TRIM62: variants seen among roughly 807,000 people sequenced by gnomAD.
TRIM62 encodes the protein tripartite motif containing 62, also known as E3 ubiquitin-protein ligase TRIM62.
TRIM62 carries 39 observed loss-of-function variants against 44.2 expected under a neutral mutation model. That is an observed-to-expected ratio of 0.88 (90% confidence interval 0.68 to 1.15). TRIM62 has a LOEUF of 1.15. TRIM62 is among the 50% of genes most tolerant of loss of function. TRIM62 has a pLI of 0.00. For synonymous variants in TRIM62, 278 were observed against 292.3 expected (o/e 0.95, Z 0.50); for missense variants, 544 against 665.5 (o/e 0.82, Z 2.01).
chr1:33,159,989 G>C lies in TRIM62; in HGVS notation c.505-45C>G. The C allele has an allele frequency of 1.3e-6, 2 of 1,582,398 alleles. No individual in the cohort carries two copies. The highest frequency in any genetic ancestry group is 1.7e-6 in the Non-Finnish European group (2 of 1,166,214). ...GGGGTTATGGCTGGGGGAGCAGATG[G>C]GGTGATCTCTGGGTGAGAGGAGGAA... On this transcript the variant is annotated intron_variant, in intron 2 of 4. Transcript: ENST00000291416. The surrounding 1 kb of genome is among the most constrained non-coding windows in gnomAD (Gnocchi z 4.2).
chr1:33,168,078 G>A (rs1645344093), intron 1 of TRIM62, among the ~76,000 whole-genome samples: 1 of 152,132 alleles, frequency 6.6e-6, no homozygotes, highest in African/African-American at 2.4e-5. Context: ...TGAGATGGAG[G>A]GGACTTTAGG....
chr1:33,165,432 T>C lies in TRIM62; in HGVS notation c.504+39A>G, dbSNP rs745513560. 1.3e-6 allele frequency: 2 copies of C among 1,498,202 alleles called. No homozygotes were observed. The highest frequency in any genetic ancestry group is 2.4e-5 in the South Asian group (2 of 81,984). The allele number at this position is 1,498,202 out of a possible 1,614,324, so 92.8% of individuals were successfully genotyped here. A position where few individuals can be genotyped will look rare whatever the true frequency, so the allele number is the denominator to read the frequency against. ...CCCGCCCCTCGAAGCCCTGCCCTCA[T>C]CTCTGCCGGCCCCACCTCCGCGCCC... On this transcript the variant is annotated intron_variant, in intron 2 of 4. Transcript: ENST00000291416. The surrounding 1 kb of genome is among the most constrained non-coding windows in gnomAD (Gnocchi z 4.0).
At chr1:33,175,934 T>A (rs536523880) in intron 1 of TRIM62, among the ~76,000 whole-genome samples, 103 of 152,200 alleles carry the variant, frequency 6.8e-4, no homozygotes, top group African/African-American at 2.5e-3. Flanking sequence ...CATCTTGGGG[T>A]CCCCAATGTT....
rs899211795 is a variant in TRIM62 at position 33,146,939 on chromosome 1, A to G, written c.*238T>C. 7.2e-6 allele frequency: 4 copies of G among 557,740 alleles called. No individual in the cohort carries two copies. Among genetic ancestry groups the G allele is most frequent in the African/African-American group, 5.7e-5 (3 of 53,082 alleles). 34.5% of individuals were successfully genotyped at this position (557,740 alleles called of 1,614,324 possible). A position where few individuals can be genotyped will look rare whatever the true frequency, so the allele number is the denominator to read the frequency against. ...TTGCCCTGAGGAGAAGCCATGTCAC[A>G]TCCTTGGATCAAAGCTGTATCCCTA... On this transcript the variant is annotated 3_prime_UTR_variant, in exon 5 of 5. Transcript: ENST00000291416.
Position 33,161,224 on chromosome 1 carries a change from TGA to T in TRIM62, c.505-1282_505-1281del, listed in dbSNP as rs111602248. Among the ~76,000 whole-genome samples, 113 of 152,312 alleles carry T rather than the reference TGA, an allele frequency of 7.4e-4. 1 individual carries two copies. The highest frequency in any genetic ancestry group is 2.5e-3 in the African/African-American group (105 of 41,572). ...ATAAGCGTTTCCCGGAAGTCTTCAT[TGA>T]GAGACGGGTTCTGAGCCGGGGCCTG... is the stretch of plus-strand genomic sequence containing the variant. On this transcript the variant is annotated intron_variant, in intron 2 of 4. Transcript: ENST00000291416. This position sits in a 1 kb window ranked among gnomAD's most constrained non-coding sequence, Gnocchi z 4.3.
chr1:33,158,385 A>C lies in TRIM62; in HGVS notation c.762-17T>G. The C allele has an allele frequency of 6.2e-7, 1 of 1,609,102 alleles. No homozygotes were observed. ...CCCTTGAGCCTGGAAGGAGAGCAGGAAAGGGGGCTGCACCAGGGACTGGAT... is the reference window on the plus strand; with the variant it reads ...CCCTTGAGCCTGGAAGGAGAGCAGGCAAGGGGGCTGCACCAGGGACTGGAT... On this transcript the variant is annotated splice_polypyrimidine_tract_variant and intron_variant, in intron 3 of 4. Coordinates refer to ENST00000291416, the MANE Select transcript of TRIM62 (RefSeq NM_018207.3).
At position 33,146,074 on chromosome 1, in the gene TRIM62, T is replaced by A. The variant is rs1645018492; in HGVS notation, c.*1103A>T. 4 of 352,198 alleles carry A rather than the reference T, an allele frequency of 1.1e-5. No homozygotes were observed. The highest frequency in any genetic ancestry group is 6.5e-5 in the South Asian group (3 of 46,504). 21.8% of individuals were successfully genotyped at this position (352,198 alleles called of 1,614,324 possible). A position where few individuals can be genotyped will look rare whatever the true frequency, so the allele number is the denominator to read the frequency against. ...TTCTGGCATAGTGGCTTCCTGCAGA[T>A]GGGGGCAGCTTTCCTGGTCACAACA... is the stretch of plus-strand genomic sequence containing the variant. On this transcript the variant is annotated 3_prime_UTR_variant, in exon 5 of 5. Coordinates refer to ENST00000291416, the MANE Select transcript of TRIM62 (RefSeq NM_018207.3).
intron 1 of TRIM62, among the ~76,000 whole-genome samples, chr1:33,174,989 GCA>G (rs1239111671): frequency 8.5e-4 from 68 of 79,926 alleles, no homozygotes; most frequent in African/African-American, 2.9e-3. Context: ...ACATATATAT[GCA>G]CACACACATG....
At chr1:33,164,473 C>T (rs1253023692) in intron 2 of TRIM62, 1 of 152,416 alleles carries the variant, frequency 6.6e-6, no homozygotes, top group Middle Eastern at 3.1e-3. Context: ...GCAGTCCCCA[C>T]TGGACAGATG....
chr1:33,176,430 TC>T (rs1192463489), intron 1 of TRIM62: 2 of 698,396 alleles, frequency 2.9e-6, no homozygotes, highest in South Asian at 3.0e-5. Flanking sequence ...CCAAGGCTGA[TC>T]CACTGCTGTC....
rs1165704169 is a variant in TRIM62, at chr1:33,161,080, TGTGAAAGGAGTA to T, written c.505-1148_505-1137del. On this transcript the variant is annotated intron_variant, in intron 2 of 4. Transcript: ENST00000291416. The surrounding 1 kb of genome is among the most constrained non-coding windows in gnomAD (Gnocchi z 4.3). The stretch of plus-strand genomic sequence containing the variant: ...AGCTGTGAACCTTAGTTTTCTTATC[TGTGAAAGGAGTA>T]ACAAAAACTGCATTGTAGGATTGTG... 1.3e-5 allele frequency among the ~76,000 whole-genome samples: 2 copies of T among 152,240 alleles called. No homozygotes were observed. The highest frequency in any genetic ancestry group is 2.9e-5 in the Non-Finnish European group (2 of 68,042).
Position 33,171,080 on chromosome 1 carries a change from C to T in TRIM62, c.409-5514G>A, listed in dbSNP as rs1645370820. On this transcript the variant is annotated intron_variant, in intron 1 of 4. Transcript: ENST00000291416. The stretch of plus-strand genomic sequence containing the variant: ...GGCTGCAGGGACCATCTGGTCCAAC[C>T]CCTTGGATTGCCAGGACAGGAAACA... 2.0e-5 allele frequency among the ~76,000 whole-genome samples: 3 copies of T among 152,306 alleles called. No homozygotes were observed. The South Asian group carries it at 6.2e-4, about 32-fold the overall frequency.
At chr1:33,160,701 G>A (rs537994247) in intron 2 of TRIM62, among the ~76,000 whole-genome samples, 11 of 152,240 alleles carry the variant, frequency 7.2e-5, no homozygotes, top group South Asian at 2.1e-4. Context: ...CATCGTGCCC[G>A]GCTGAAGTCT....
Position 33,159,051 on chromosome 1 carries a change from G to A in TRIM62, c.761+637C>T, listed in dbSNP as rs575534115. ...GTAGAGACGGGGTTTCACCATGTTA[G>A]TCAGGCTGGTCCTGAACTCCTGACC... On this transcript the variant is annotated intron_variant, in intron 3 of 4. Coordinates refer to ENST00000291416, the MANE Select transcript of TRIM62 (RefSeq NM_018207.3). The surrounding 1 kb of genome is among the most constrained non-coding windows in gnomAD (Gnocchi z 4.2). 5.3e-5 allele frequency among the ~76,000 whole-genome samples: 8 copies of A among 151,874 alleles called. No homozygotes were observed. Among genetic ancestry groups the A allele is most frequent in the African/African-American group, 1.9e-4 (8 of 41,388 alleles).
intron 1 of TRIM62, chr1:33,176,373 G>C: frequency 1.5e-6 from 1 of 679,574 alleles, no homozygotes. Flanking sequence ...TTGGGTGGCT[G>C]CCTTGGTGTC....
rs760627223 is a variant in TRIM62 at position 33,147,388 on chromosome 1, C to T, written c.1217G>A (p.Arg406Gln). 30 of 1,614,024 alleles carry T rather than the reference C, an allele frequency of 1.9e-5. No homozygotes were observed. Among genetic ancestry groups the T allele is most frequent in the Admixed American group, 3.3e-5 (2 of 60,002 alleles). ...QYSACTEPWT[R>Q]LNVRDKLDKV... ...GTCAAGCTTGTCCCGGACGTTAAGC[C>T]GCGTCCAGGGCTCCGTGCAGGCGCT... Residue 406 changes from arginine (R) to glutamine (Q), a missense_variant, in exon 5 of 5, where the codon CGG becomes CAG. Physicochemically the swap from Arg to Gln is conservative, Grantham distance 43. Coordinates refer to ENST00000291416, the MANE Select transcript of TRIM62 (RefSeq NM_018207.3). This position sits in a 1 kb window ranked among gnomAD's most constrained non-coding sequence, Gnocchi z 8.1.
At chr1:33,155,162 C>T (rs566398921) in intron 4 of TRIM62, among the ~76,000 whole-genome samples, 1 of 150,652 alleles carries the variant, frequency 6.6e-6, no homozygotes, top group South Asian at 2.1e-4. Context: ...GCCTTCACCG[C>T]CTGGGTTCAA....
rs756288947 is a variant in TRIM62, at chr1:33,165,875, G to A, written c.409-309C>T. On this transcript the variant is annotated intron_variant, in intron 1 of 4. Coordinates refer to ENST00000291416, the MANE Select transcript of TRIM62 (RefSeq NM_018207.3). This position sits in a 1 kb window ranked among gnomAD's most constrained non-coding sequence, Gnocchi z 4.0. ...TCCCCACACTTGGCCCTGGATCCCC[G>A]CTTAGAATTAAGGCAGGGGTCTCCA... 10 of 227,788 alleles carry A rather than the reference G, an allele frequency of 4.4e-5. No individual in the cohort carries two copies. Among genetic ancestry groups the A allele is most frequent in the African/African-American group, 1.6e-4 (7 of 44,152 alleles). The allele number at this position is 227,788 out of a possible 1,614,324, so 14.1% of individuals were successfully genotyped here.
chr1:33,149,060 G>A (rs931439593), intron 4 of TRIM62, among the ~76,000 whole-genome samples: 1 of 152,116 alleles, frequency 6.6e-6, no homozygotes, highest in African/African-American at 2.4e-5. Context: ...ACCCCCAGAG[G>A]CTCAATTCAA....
Sources: allele counts gnomAD v4.1 joint callset (sites outside exome capture counted in the v4.1 genomes callset), GRCh38; gene constraint gnomAD v4.1.1; non-coding constraint Gnocchi (gnomAD v3.1); transcripts MANE v1.5; gene names NCBI Gene and HGNC (gene_info 2026-07-23, HGNC 2026-07-21).